The following AHI1 variants were observed in gnomAD, a reference collection of about 807,000 sequenced individuals.
The protein encoded by AHI1 is jouberin.
In AHI1, 123 loss-of-function variants were observed where a neutral mutation model predicts 149.3. That is an observed-to-expected ratio of 0.82 (90% CI 0.71 to 0.96). The LOEUF is 0.96. AHI1 is among the 40% of genes least tolerant of loss of function. The pLI is 0.00. For synonymous variants in AHI1, 475 were observed against 459.8 expected, an observed-to-expected ratio of 1.03 and a Z score of -0.42; for missense variants, 1,439 against 1,422.7, an observed-to-expected ratio of 1.01 and a Z score of -0.18.
intron 23 of AHI1, among the ~76,000 whole-genome samples, chr6:135,392,378 T>G (rs541179651): frequency 6.6e-6 from 1 of 152,276 alleles, no homozygotes; most frequent in East Asian, 1.9e-4. Context: ...CAATAAAAGT[T>G]ACAACAGAAC....
chr6:135,372,808 C>T (rs576163622), intron 23 of AHI1, among the ~76,000 whole-genome samples: 6 of 152,324 alleles, frequency 3.9e-5, no homozygotes, highest in Admixed American at 2.6e-4. Flanking sequence ...CTAAAAGCAG[C>T]AGTACCTGGA....
intron 8 of AHI1, among the ~76,000 whole-genome samples, chr6:135,460,061 T>C (rs1206104755): frequency 6.6e-6 from 1 of 152,082 alleles, no homozygotes; most frequent in African/African-American, 2.4e-5. Flanking sequence ...TGCATGCCTG[T>C]AGTCCCAGCT....
intron 23 of AHI1, among the ~76,000 whole-genome samples, chr6:135,374,987 A>C (rs1435673513): frequency 2.0e-5 from 3 of 152,214 alleles, no homozygotes; most frequent in Non-Finnish European, 4.4e-5. Flanking sequence ...GCCCAACTGT[A>C]TGCTAATGTA....
chr6:135,326,648 C>T (rs1399187516), intron 24 of AHI1, among the ~76,000 whole-genome samples: 2 of 152,054 alleles, frequency 1.3e-5, no homozygotes, highest in Middle Eastern at 3.4e-3. Context: ...GCAACCTCTG[C>T]CTCCCGGGTT....
intron 23 of AHI1, among the ~76,000 whole-genome samples, chr6:135,379,705 T>A (rs555428648): frequency 6.6e-6 from 1 of 152,304 alleles, no homozygotes; most frequent in Non-Finnish European, 1.5e-5. Flanking sequence ...CTGGGCCTGC[T>A]GCTACCTCTC....
At chr6:135,338,517 A>C (rs532241421) in intron 24 of AHI1, among the ~76,000 whole-genome samples, 1 of 152,154 alleles carries the variant, frequency 6.6e-6, no homozygotes, top group Admixed American at 6.5e-5. Flanking sequence ...TAAATGAGTA[A>C]AGGGGAATCA....
At chr6:135,302,724 C>A (rs760492234) in intron 26 of AHI1, 154 of 1,269,836 alleles carry the variant, frequency 1.2e-4, no homozygotes, top group Non-Finnish European at 1.5e-4. Context: ...ATTCCTTGGT[C>A]TCAGCAGCAG....
intron 4 of AHI1, among the ~76,000 whole-genome samples, chr6:135,491,302 T>C (rs1230842518): frequency 6.6e-6 from 1 of 152,166 alleles, no homozygotes; most frequent in Non-Finnish European, 1.5e-5. Context: ...TCCTGATCTA[T>C]CTCCAGGGCT....
intron 27 of AHI1, among the ~76,000 whole-genome samples, chr6:135,294,714 A>G (rs1003502104): frequency 6.7e-6 from 1 of 150,170 alleles, no homozygotes; most frequent in Admixed American, 6.6e-5. Context: ...AAAAAAAAAA[A>G]AAAGAAAAAG....
chr6:135,485,097 G>C (rs1373263850), intron 5 of AHI1, among the ~76,000 whole-genome samples: 1 of 146,388 alleles, frequency 6.8e-6, no homozygotes, highest in Non-Finnish European at 1.5e-5. Context: ...TTTTAAGACA[G>C]AGTTTCGCTC....
At chr6:135,396,279 A>T (rs1779199004) in intron 22 of AHI1, among the ~76,000 whole-genome samples, 1 of 151,842 alleles carries the variant, frequency 6.6e-6, no homozygotes, top group Non-Finnish European at 1.5e-5. Context: ...AAAACTGACC[A>T]GTTATAGTGA....
At chr6:135,308,355 C>A (rs1259686823) in intron 26 of AHI1, among the ~76,000 whole-genome samples, 1 of 152,142 alleles carries the variant, frequency 6.6e-6, no homozygotes, top group Non-Finnish European at 1.5e-5. Flanking sequence ...CCCACCTCAG[C>A]CTCCCAAGCA....
At chr6:135,402,797 A>T (rs935620682) in intron 22 of AHI1, among the ~76,000 whole-genome samples, 1 of 152,178 alleles carries the variant, frequency 6.6e-6, no homozygotes, top group African/African-American at 2.4e-5. Flanking sequence ...GGCTTACTTT[A>T]AGAATATAGT....
At chr6:135,443,435 A>C (rs1288396785) in intron 13 of AHI1, among the ~76,000 whole-genome samples, 2 of 152,188 alleles carry the variant, frequency 1.3e-5, no homozygotes, top group African/African-American at 4.8e-5. Flanking sequence ...AAGTAAACAT[A>C]TACTGGGCTC....
chr6:135,481,377 T>C (rs1252946384), intron 5 of AHI1, among the ~76,000 whole-genome samples: 3 of 152,258 alleles, frequency 2.0e-5, no homozygotes, highest in Non-Finnish European at 2.9e-5. Flanking sequence ...AAAAAGTGTT[T>C]CAGATTTCTT....
chr6:135,447,445 CA>C (rs1052176563), intron 12 of AHI1, among the ~76,000 whole-genome samples: 1 of 152,192 alleles, frequency 6.6e-6, no homozygotes, highest in African/African-American at 2.4e-5. Flanking sequence ...TCTGCTTCTT[CA>C]CCAATACTTA....
At chr6:135,348,397 C>T (rs994211959) in intron 24 of AHI1, among the ~76,000 whole-genome samples, 4 of 152,092 alleles carry the variant, frequency 2.6e-5, no homozygotes, top group Non-Finnish European at 1.5e-5. Flanking sequence ...TATATTACTG[C>T]TTCCTTAGAG....
intron 27 of AHI1, among the ~76,000 whole-genome samples, 171 bp downstream of exon 27, chr6:135,300,325 CAAAA>C (rs557417336): frequency 3.0e-5 from 2 of 65,914 alleles, no homozygotes; most frequent in Non-Finnish European, 6.4e-5. Flanking sequence ...ACTCTGTCTC[CAAAA>C]AAAAAAAAAA....
intron 4 of AHI1, 28 bp from the exon 5 acceptor site, chr6:135,490,775 G>A (rs925366080): frequency 6.2e-7 from 1 of 1,608,836 alleles, no homozygotes; most frequent in Non-Finnish European, 8.5e-7. Flanking sequence ...ATGTGATTTT[G>A]TAAATGACTC....
Sources: allele counts gnomAD v4.1 joint callset (sites outside exome capture counted in the v4.1 genomes callset), GRCh38; gene constraint gnomAD v4.1.1; transcripts MANE v1.5; gene names NCBI Gene and HGNC (gene_info 2026-07-23, HGNC 2026-07-21).